AGBL1: variants seen among roughly 807,000 people sequenced by gnomAD.
AGBL1 encodes AGBL carboxypeptidase 1, also known as cytosolic carboxypeptidase 4.
AGBL1 carries 130 observed loss-of-function variants against 118.9 expected under a neutral mutation model. That is an observed-to-expected ratio of 1.09 (90% CI 0.95 to 1.26). The LOEUF is 1.26. Ranked by LOEUF, AGBL1 falls within the 50% of genes most tolerant of loss-of-function variation. The pLI, the probability that AGBL1 is intolerant of heterozygous loss-of-function variation, is 0.00. For missense variants in AGBL1, 1,584 were observed against 1,298.1 expected, an observed-to-expected ratio of 1.22 and a Z score of -3.38; for synonymous variants, 555 against 478.9, an observed-to-expected ratio of 1.16 and a Z score of -2.08.
intron 17 of AGBL1, among the ~76,000 whole-genome samples, chr15:86,313,980 G>A (rs1433990234): frequency 1.3e-5 from 2 of 152,192 alleles, no homozygotes; most frequent in African/African-American, 4.8e-5. Context: ...GTTAGATGAT[G>A]AGCCCTACTA....
At chr15:86,544,987 C>T (rs948614526) in intron 19 of AGBL1, among the ~76,000 whole-genome samples, 15 of 152,178 alleles carry the variant, frequency 9.9e-5, no homozygotes, top group South Asian at 4.1e-4. Flanking sequence ...TTTGCAGAAC[C>T]TCCCTTTAGG....
chr15:86,650,525 A>G (rs1054344060), intron 21 of AGBL1, among the ~76,000 whole-genome samples: 6 of 152,222 alleles, frequency 3.9e-5, no homozygotes, highest in Non-Finnish European at 8.8e-5. Context: ...TGATAACACG[A>G]AAGTCCAACA....
chr15:86,817,463 TACACAC>T (rs143498374), intron 22 of AGBL1, among the ~76,000 whole-genome samples: 56 of 133,476 alleles, frequency 4.2e-4, no homozygotes, highest in East Asian at 6.6e-4. Flanking sequence ...CTCTGAGAGA[TACACAC>T]ACACACACAC....
At chr15:86,105,388 C>G (rs1315737264) in intron 1 of AGBL1, 1 of 152,152 alleles carries the variant, frequency 6.6e-6, no homozygotes, top group East Asian at 1.9e-4. Context: ...AAGACATATA[C>G]AAATTACCTT....
intron 23 of AGBL1, among the ~76,000 whole-genome samples, chr15:86,964,138 A>G (rs369365427): frequency 7.8e-4 from 119 of 151,890 alleles, no homozygotes; most frequent in Middle Eastern, 3.4e-3. Flanking sequence ...TAGAGAGGTT[A>G]AGTTCACAGC....
At chr15:86,312,267 T>G (rs1458536928) in intron 17 of AGBL1, 1 of 152,216 alleles carries the variant, frequency 6.6e-6, no homozygotes, top group Non-Finnish European at 1.5e-5. Flanking sequence ...GTTGGTGGTG[T>G]TTTCCTACTG....
At chr15:86,383,221 A>G (rs368257698) in intron 17 of AGBL1, among the ~76,000 whole-genome samples, 1 of 140,524 alleles carries the variant, frequency 7.1e-6, no homozygotes, top group Non-Finnish European at 1.5e-5. Context: ...GAGATGCTGC[A>G]CTGAAGAGAG....
chr15:86,122,347 G>C (rs1260838192), intron 1 of AGBL1, among the ~76,000 whole-genome samples: 2 of 152,152 alleles, frequency 1.3e-5, no homozygotes, highest in African/African-American at 4.8e-5. Context: ...AAACTTCAAG[G>C]ATTTAAAGAA....
Position 86,670,374 on chromosome 15 carries a change from C to T in AGBL1, c.2995-3899C>T, listed in dbSNP as rs554019716. 5.0e-3 allele frequency among the ~76,000 whole-genome samples: 759 copies of T among 151,990 alleles called. 4 individuals carry two copies. Among genetic ancestry groups the T allele is most frequent in the African/African-American group, 0.017 (713 of 41,448 alleles). ...ATCTCAGCACTTTGGGAGGCTGAGGCAGGCAGATCACCTGAGGTCAGGAGT... is the reference window on the plus strand; with the variant it reads ...ATCTCAGCACTTTGGGAGGCTGAGGTAGGCAGATCACCTGAGGTCAGGAGT... On this transcript the variant is annotated intron_variant, in intron 21 of 22. Transcript: ENST00000614907.
chr15:86,906,364 T>C (rs2141591517), intron 22 of AGBL1, among the ~76,000 whole-genome samples: 1 of 152,338 alleles, frequency 6.6e-6, no homozygotes, highest in South Asian at 2.1e-4. Context: ...CGCTTGCTGG[T>C]CAACCCCTGT....
At chr15:86,927,744 T>C (rs2080560703) in intron 23 of AGBL1, among the ~76,000 whole-genome samples, 1 of 152,180 alleles carries the variant, frequency 6.6e-6, no homozygotes, top group African/African-American at 2.4e-5. Flanking sequence ...GCCAGCATAC[T>C]AGAAATGTCA....
chr15:86,792,800 A>G (rs1420312600), intron 22 of AGBL1, among the ~76,000 whole-genome samples: 1 of 152,102 alleles, frequency 6.6e-6, no homozygotes, highest in Non-Finnish European at 1.5e-5. Flanking sequence ...TATAAGAGAA[A>G]AGAGAAAACA....
In AGBL1 at chr15:86,568,363, A is replaced by G. The variant is rs185857677; in HGVS notation, c.2994+13826A>G. ...AAGGATGAGCAATGCCCCCAAGAAG[A>G]TTAAGAGATCATGCCTTAACTTATT... is the stretch of plus-strand genomic sequence containing the variant. On this transcript the variant is annotated intron_variant, in intron 21 of 22. Coordinates refer to ENST00000614907, the MANE Select transcript of AGBL1 (RefSeq NM_001386094.1). Among the ~76,000 whole-genome samples the G allele has an allele frequency of 6.2e-4, 95 of 152,292 alleles. 2 individuals carry two copies. Among genetic ancestry groups the G allele is most frequent in the Admixed American group, 6.2e-3 (95 of 15,298 alleles).
At chr15:86,848,424 T>C (rs138076638) in intron 22 of AGBL1, among the ~76,000 whole-genome samples, 2 of 152,342 alleles carry the variant, frequency 1.3e-5, no homozygotes, top group African/African-American at 4.8e-5. Flanking sequence ...AATGAGAATG[T>C]AACTATCATA....
At chr15:86,617,567 C>T (rs17682900) in intron 21 of AGBL1, among the ~76,000 whole-genome samples, 2,039 of 152,116 alleles carry the variant, frequency 0.013, 20 homozygotes, top group Non-Finnish European at 0.02. Flanking sequence ...GTCAAATTTT[C>T]GTTCAATTGG....
chr15:86,401,471 TTTG>T lies in AGBL1; in HGVS notation c.2555+3938_2555+3940del, dbSNP rs552407413. On this transcript the variant is annotated intron_variant, in intron 18 of 22. Transcript: ENST00000614907. ...TTTTTAGTTTAATTAGGTCTCTTTT[TTTG>T]TTGTTGTTGTTGCATTTGCTTTTGG... Among the ~76,000 whole-genome samples, 27 of 151,920 alleles carry T rather than the reference TTTG, an allele frequency of 1.8e-4. No homozygotes were observed. In the South Asian group the frequency reaches 2.5e-3, roughly 14 times the overall value.
chr15:86,657,773 C>T (rs896719381), intron 21 of AGBL1, among the ~76,000 whole-genome samples: 5 of 151,912 alleles, frequency 3.3e-5, no homozygotes, highest in African/African-American at 1.2e-4. Flanking sequence ...AAGTCTCCTA[C>T]TTCTGAGATT....
At chr15:86,826,646 G>T (rs1038678766) in intron 22 of AGBL1, among the ~76,000 whole-genome samples, 3 of 151,988 alleles carry the variant, frequency 2.0e-5, no homozygotes, top group African/African-American at 7.2e-5. Flanking sequence ...AACGCTCCTA[G>T]GTGCTGTTAA....
chr15:86,956,657 A>C (rs1423463701), intron 23 of AGBL1, among the ~76,000 whole-genome samples: 3 of 152,182 alleles, frequency 2.0e-5, no homozygotes, highest in Admixed American at 6.6e-5. Context: ...AATGTTAGTC[A>C]CACATTAAAA....
Sources: gnomAD v4.1 joint callset for allele counts (sites outside exome capture counted in the v4.1 genomes callset) on GRCh38, gnomAD v4.1.1 for gene constraint, MANE v1.5 for transcripts, NCBI Gene and HGNC (gene_info 2026-07-23, HGNC 2026-07-21) for gene names.